The following ZEB1 variants were observed in gnomAD, a reference collection of about 807,000 sequenced individuals.
ZEB1 encodes the protein zinc finger E-box-binding homeobox 1.
In ZEB1, 21 loss-of-function variants were observed where a neutral mutation model predicts 84.9. The ratio of observed to expected loss-of-function variants is 0.25; its 90% CI spans 0.18 to 0.36. The LOEUF (loss-of-function observed/expected upper bound fraction) is 0.36, where lower values mean the gene tolerates loss of function less well. ZEB1 is among the 10% of genes least tolerant of loss of function. The pLI, the probability that ZEB1 is intolerant of heterozygous loss-of-function variation, is 1.00. For synonymous variants in ZEB1, 420 were observed against 471.1 expected, an observed-to-expected ratio of 0.89 and a Z score of 1.41; for missense variants, 1,104 against 1,330.2, an observed-to-expected ratio of 0.83 and a Z score of 2.65.
chr10:31,474,981 T>C (rs954757378), intron 2 of ZEB1, among the ~76,000 whole-genome samples: 9 of 151,146 alleles, frequency 6.0e-5, no homozygotes, highest in African/African-American at 2.2e-4. Context: ...AAACACCGCA[T>C]ATTCTCACTC....
intron 2 of ZEB1, among the ~76,000 whole-genome samples, chr10:31,492,784 T>C (rs981145190): frequency 6.6e-6 from 1 of 151,924 alleles, no homozygotes; most frequent in Non-Finnish European, 1.5e-5. Flanking sequence ...TGATAGTAAG[T>C]CTTCTGGATT....
intron 2 of ZEB1, among the ~76,000 whole-genome samples, chr10:31,473,245 A>G (rs1417809781): frequency 8.7e-5 from 13 of 150,156 alleles, no homozygotes; most frequent in African/African-American, 1.7e-4. Context: ...AGGGTATTCA[A>G]TTAGGAAAAG....
intron 3 of ZEB1, among the ~76,000 whole-genome samples, chr10:31,499,679 C>A (rs562171376): frequency 1.3e-5 from 2 of 151,940 alleles, no homozygotes; most frequent in Non-Finnish European, 2.9e-5. Context: ...GCGGGAGAAT[C>A]GCTTGGACCC....
At chr10:31,427,885 C>A (rs902763317) in intron 1 of ZEB1, among the ~76,000 whole-genome samples, 1 of 149,330 alleles carries the variant, frequency 6.7e-6, no homozygotes, top group Non-Finnish European at 1.5e-5. Context: ...CAATGAATCT[C>A]TAATGGTTGA....
At chr10:31,445,485 T>C (rs1471870282) in intron 1 of ZEB1, among the ~76,000 whole-genome samples, 2 of 148,952 alleles carry the variant, frequency 1.3e-5, no homozygotes, top group Admixed American at 1.3e-4. Context: ...GGCATCCCTG[T>C]CTTGTGCCAG....
At chr10:31,325,670 T>C (rs2035314346) in intron 1 of ZEB1, among the ~76,000 whole-genome samples, 1 of 152,102 alleles carries the variant, frequency 6.6e-6, no homozygotes. Context: ...CCCTCCCCCA[T>C]TCAGATTTAA....
At chr10:31,468,267 C>A (rs763221488) in intron 2 of ZEB1, among the ~76,000 whole-genome samples, 1 of 152,154 alleles carries the variant, frequency 6.6e-6, no homozygotes, top group African/African-American at 2.4e-5. Flanking sequence ...CCACACCCCC[C>A]ACCCATCACC....
At chr10:31,400,999 T>C (rs1214670470) in intron 1 of ZEB1, among the ~76,000 whole-genome samples, 2 of 152,228 alleles carry the variant, frequency 1.3e-5, no homozygotes, top group Non-Finnish European at 2.9e-5. Context: ...GATGTATCAT[T>C]ATTAATAAAT....
chr10:31,451,055 C>T (rs552233562), intron 1 of ZEB1, among the ~76,000 whole-genome samples: 106 of 152,294 alleles, frequency 7.0e-4, no homozygotes, highest in Admixed American at 2.6e-3. Context: ...AAGAAATTTA[C>T]CTGTGAAAAC....
intron 1 of ZEB1, among the ~76,000 whole-genome samples, chr10:31,406,393 G>C (rs1043213955): frequency 6.6e-6 from 1 of 151,270 alleles, no homozygotes. Flanking sequence ...ATTCTAACTA[G>C]CATGATGATA....
At chr10:31,389,759 A>T (rs1471000830) in intron 1 of ZEB1, 6 of 152,174 alleles carry the variant, frequency 3.9e-5, no homozygotes, top group Non-Finnish European at 8.8e-5. Context: ...ATTAGTTTTC[A>T]TTACATTTTA....
At chr10:31,335,374 G>A (rs922703064) in intron 1 of ZEB1, among the ~76,000 whole-genome samples, 4 of 152,080 alleles carry the variant, frequency 2.6e-5, no homozygotes. Context: ...AGGGGGTCTT[G>A]AAACGTATGC....
intron 1 of ZEB1, among the ~76,000 whole-genome samples, chr10:31,338,690 A>G (rs1043359344): frequency 3.9e-5 from 6 of 152,172 alleles, no homozygotes; most frequent in African/African-American, 1.4e-4. Context: ...TTACTCTTCA[A>G]TGAATTTTGT....
At chr10:31,496,593 G>A (rs2067271376) in intron 3 of ZEB1, among the ~76,000 whole-genome samples, 1 of 152,002 alleles carries the variant, frequency 6.6e-6, no homozygotes, top group Non-Finnish European at 1.5e-5. Context: ...CTTCAAAAAT[G>A]CATTCCAGAT....
rs919313183 is a variant in ZEB1, at chr10:31,528,101, G to A, written c.*837G>A. ...TAACATATGAAGGATATGACATGAA[G>A]CTTTGTATCTCCTTTGGCCTTAAGC... On this transcript the variant is annotated 3_prime_UTR_variant, in exon 9 of 9. Transcript: ENST00000424869. 6.6e-6 allele frequency: 1 copy of A among 152,188 alleles called. No homozygotes were observed. Among genetic ancestry groups the A allele is most frequent in the African/African-American group, 2.4e-5 (1 of 41,444 alleles). The allele number at this position is 152,188 out of a possible 1,614,324, so 9.4% of individuals were successfully genotyped here. A position where few individuals can be genotyped will look rare whatever the true frequency, so the allele number is the denominator to read the frequency against.
chr10:31,348,721 C>T (rs73260030), intron 1 of ZEB1, among the ~76,000 whole-genome samples: 1,565 of 151,828 alleles, frequency 0.01, 21 homozygotes, highest in African/African-American at 0.035. Flanking sequence ...GTTCTGTGTC[C>T]GTTTTAGGTT....
At chr10:31,417,205 C>T (rs1451460285) in intron 1 of ZEB1, among the ~76,000 whole-genome samples, 1 of 152,140 alleles carries the variant, frequency 6.6e-6, no homozygotes, top group Non-Finnish European at 1.5e-5. Flanking sequence ...TTCTCCAAAT[C>T]TCACTTATTC....
At chr10:31,361,788 TCA>T (rs1347339255) in intron 1 of ZEB1, among the ~76,000 whole-genome samples, 1 of 150,698 alleles carries the variant, frequency 6.6e-6, no homozygotes, top group Non-Finnish European at 1.5e-5. Context: ...ACTCCTCACT[TCA>T]CAGACAGGAC....
At chr10:31,361,279 A>G in intron 1 of ZEB1, 1 of 1,506,966 alleles carries the variant, frequency 6.6e-7, no homozygotes. Context: ...TGCAACCTCC[A>G]CTTCCCGGGT....
Sources: allele counts gnomAD v4.1 joint callset (sites outside exome capture counted in the v4.1 genomes callset), GRCh38; gene constraint gnomAD v4.1.1; transcripts MANE v1.5; gene names NCBI Gene and HGNC (gene_info 2026-07-23, HGNC 2026-07-21).